SMAD3: variants seen among roughly 807,000 people sequenced by gnomAD.
SMAD3 encodes the protein SMAD family member 3, also known as MAD homolog 3.
In SMAD3, 12 loss-of-function variants were observed where a neutral mutation model predicts 51.8. The observed-to-expected ratio is 0.23, with a 90% confidence interval of 0.15 to 0.38. The LOEUF is 0.38. Among genes scored for constraint, SMAD3 ranks in the 10% least tolerant of loss-of-function variants. The pLI is 1.00. For synonymous variants in SMAD3, 238 were observed against 227.7 expected, an observed-to-expected ratio of 1.05 and a Z score of -0.41; for missense variants, 294 against 565.6, an observed-to-expected ratio of 0.52 and a Z score of 4.87.
chr15:67,126,470 A>G (rs1174173485), intron 1 of SMAD3, among the ~76,000 whole-genome samples: 3 of 152,148 alleles, frequency 2.0e-5, no homozygotes, highest in Non-Finnish European at 4.4e-5. Context: ...TAGGTATTTT[A>G]AACATGCTTT....
At position 67,112,697 on chromosome 15, in the gene SMAD3, A is replaced by G. The variant is rs1332814790; in HGVS notation, c.206+46337A>G. ...TCGTCACTTTTGCTTTTTGTGTTGT[A>G]TCTAAGAAACTGTTGCTTAATCCAG... On this transcript the variant is annotated intron_variant, in intron 1 of 8. Transcript: ENST00000327367. Among the ~76,000 whole-genome samples, 3 of 133,164 alleles carry G rather than the reference A, an allele frequency of 2.3e-5. 1 individual carries two copies. The Admixed American group carries it at 2.5e-4, about 11-fold the overall frequency. The allele number at this position is 133,164 out of a possible 152,430, so 87.4% of individuals were successfully genotyped here. A position where few individuals can be genotyped will look rare whatever the true frequency, so the allele number is the denominator to read the frequency against.
chr15:67,093,311 C>T (rs957222476), intron 1 of SMAD3, among the ~76,000 whole-genome samples: 5 of 152,146 alleles, frequency 3.3e-5, no homozygotes, highest in East Asian at 1.9e-4. Context: ...AACACCTTAG[C>T]GGGCCTGTGA....
intron 5 of SMAD3, among the ~76,000 whole-genome samples, chr15:67,175,136 A>G (rs1962854562): frequency 6.6e-6 from 1 of 152,226 alleles, no homozygotes; most frequent in South Asian, 2.1e-4. Flanking sequence ...AGGCAGGTGG[A>G]GAGAGGAAAA....
chr15:67,099,075 A>ATG, intron 1 of SMAD3: 1 of 698,114 alleles, frequency 1.4e-6, no homozygotes, highest in Non-Finnish European at 2.6e-6. Context: ...CTGTTGATTC[A>ATG]TGTGTCAGCC....
At chr15:67,090,834 T>G (rs985480669) in intron 1 of SMAD3, among the ~76,000 whole-genome samples, 6 of 152,186 alleles carry the variant, frequency 3.9e-5, no homozygotes, top group Non-Finnish European at 8.8e-5. Flanking sequence ...CCTCTCGATC[T>G]GTTGTTTGCA....
intron 1 of SMAD3, among the ~76,000 whole-genome samples, chr15:67,147,851 C>G (rs1962021393): frequency 6.6e-6 from 1 of 152,188 alleles, no homozygotes; most frequent in Non-Finnish European, 1.5e-5. Context: ...TCCCACATGA[C>G]AGCTACGACT....
chr15:67,186,860 C>T lies in SMAD3; in HGVS notation c.1010-505C>T, dbSNP rs191278238. ...CCCTCTGCCAAGCTTCCTGTGGGGACGGCAGGCCCAGTAGCCTTTCGGCCA... is the reference window on the plus strand; with the variant it reads ...CCCTCTGCCAAGCTTCCTGTGGGGATGGCAGGCCCAGTAGCCTTTCGGCCA... On this transcript the variant is annotated intron_variant, in intron 7 of 8. Coordinates refer to ENST00000327367, the MANE Select transcript of SMAD3 (RefSeq NM_005902.4). The T allele has an allele frequency of 4.9e-4, 174 of 352,022 alleles. 2 individuals carry two copies. The East Asian group carries it at 0.011, about 23-fold the overall frequency. The allele number at this position is 352,022 out of a possible 1,614,324, so 21.8% of individuals were successfully genotyped here. A position where few individuals can be genotyped will look rare whatever the true frequency, so the allele number is the denominator to read the frequency against.
intron 6 of SMAD3, among the ~76,000 whole-genome samples, chr15:67,182,998 A>ATATAT (rs1444218521): frequency 3.7e-4 from 18 of 49,002 alleles, no homozygotes; most frequent in South Asian, 9.7e-4. Flanking sequence ...AAAAAAAAAA[A>ATATAT]AAATATATAT....
Position 67,191,939 on chromosome 15 carries a change from A to T in SMAD3, c.*1403A>T, listed in dbSNP as rs750644411. On this transcript the variant is annotated 3_prime_UTR_variant, in exon 9 of 9. Transcript: ENST00000327367. ...AACTAGTCTAAATTATTTCAACTGGAAAAAAGAAAAAAGAGTCCTCTTCTT... is the reference window on the plus strand; with the variant it reads ...AACTAGTCTAAATTATTTCAACTGGTAAAAAGAAAAAAGAGTCCTCTTCTT... 8.8e-6 allele frequency: 2 copies of T among 227,976 alleles called. No individual in the cohort carries two copies. The highest frequency in any genetic ancestry group is 4.4e-5 in the African/African-American group (2 of 45,046). The allele number at this position is 227,976 out of a possible 1,614,324, so 14.1% of individuals were successfully genotyped here.
intron 1 of SMAD3, among the ~76,000 whole-genome samples, chr15:67,084,454 AT>A (rs990543502): frequency 2.0e-5 from 3 of 151,956 alleles, no homozygotes; most frequent in Non-Finnish European, 4.4e-5. Flanking sequence ...CAATGCATAT[AT>A]TTTCCTGGGG....
At chr15:67,121,088 A>G (rs1200341904) in intron 1 of SMAD3, among the ~76,000 whole-genome samples, 1 of 152,178 alleles carries the variant, frequency 6.6e-6, no homozygotes, top group East Asian at 1.9e-4. Flanking sequence ...TAACATAATA[A>G]TATGTAAGAA....
At position 67,180,131 on chromosome 15, in the gene SMAD3, C is replaced by T. The variant is rs75031562; in HGVS notation, c.659-1110C>T. On this transcript the variant is annotated intron_variant, in intron 5 of 8. Coordinates refer to ENST00000327367, the MANE Select transcript of SMAD3 (RefSeq NM_005902.4). ...CAGAGTGTCGTAGGCTAAGGGCTCG[C>T]GCCCAGCAGTCAGTGCAGTGCAGAG... Among the ~76,000 whole-genome samples the T allele has an allele frequency of 4.1e-3, 620 of 152,258 alleles. 2 individuals carry two copies. Among genetic ancestry groups the T allele is most frequent in the Non-Finnish European group, 6.7e-3 (454 of 68,014 alleles).
At chr15:67,119,377 A>G (rs1417721295) in intron 1 of SMAD3, among the ~76,000 whole-genome samples, 1 of 152,054 alleles carries the variant, frequency 6.6e-6, no homozygotes, top group Admixed American at 6.5e-5. Flanking sequence ...AGGGAGGCCC[A>G]TAGTCAATGG....
At chr15:67,126,914 C>G (rs988651289) in intron 1 of SMAD3, among the ~76,000 whole-genome samples, 1 of 152,034 alleles carries the variant, frequency 6.6e-6, no homozygotes, top group African/African-American at 2.4e-5. Context: ...TAGTCACCAC[C>G]CACACAGGCA....
intron 1 of SMAD3, among the ~76,000 whole-genome samples, chr15:67,140,826 A>G (rs1961799271): frequency 6.6e-6 from 1 of 152,114 alleles, no homozygotes; most frequent in Non-Finnish European, 1.5e-5. Flanking sequence ...AGAGTGTGGG[A>G]AATGGGGCCA....
rs374768639 is a variant in SMAD3 at position 67,089,392 on chromosome 15, G to A, written c.206+23032G>A. ...TGATGAGTCACACCAGTGGGAAAGT[G>A]CACTGTATACTTGGTCATGTGCAGA... On this transcript the variant is annotated intron_variant, in intron 1 of 8. Coordinates refer to ENST00000327367, the MANE Select transcript of SMAD3 (RefSeq NM_005902.4). 2.9e-4 allele frequency among the ~76,000 whole-genome samples: 44 copies of A among 152,336 alleles called. 1 individual carries two copies. Among genetic ancestry groups the A allele is most frequent in the African/African-American group, 1.0e-3 (43 of 41,586 alleles).
At chr15:67,076,759 TC>T (rs1299957755) in intron 1 of SMAD3, among the ~76,000 whole-genome samples, 3 of 152,210 alleles carry the variant, frequency 2.0e-5, no homozygotes, top group Admixed American at 1.3e-4. Flanking sequence ...GCCTGACCCT[TC>T]CAGTTCCCTG....
At chr15:67,080,742 G>C (rs1960263501) in intron 1 of SMAD3, among the ~76,000 whole-genome samples, 2 of 152,226 alleles carry the variant, frequency 1.3e-5, no homozygotes, top group African/African-American at 4.8e-5. Flanking sequence ...TCAGTGCATG[G>C]AATGTGCCAG....
intron 5 of SMAD3, among the ~76,000 whole-genome samples, chr15:67,178,069 C>G (rs1962953960): frequency 6.6e-6 from 1 of 152,168 alleles, no homozygotes; most frequent in South Asian, 2.1e-4. Context: ...AATGATGTGT[C>G]AGGTTCCTAG....
Sources: gnomAD v4.1 joint callset for allele counts (sites outside exome capture counted in the v4.1 genomes callset) on GRCh38, gnomAD v4.1.1 for gene constraint, MANE v1.5 for transcripts, NCBI Gene and HGNC (gene_info 2026-07-23, HGNC 2026-07-21) for gene names.